Variants in TACR1 observed in about 807,000 individuals in gnomAD.
TACR1 encodes the protein substance-P receptor.
Under a neutral mutation model 35.8 loss-of-function variants are expected in TACR1, and 25 were observed. The observed-to-expected ratio is 0.70, with a 90% CI of 0.51 to 0.98. The LOEUF is 0.98. Among genes scored for constraint, TACR1 ranks in the 50% least tolerant of loss-of-function variants. The probability of loss-of-function intolerance (pLI) is 0.00; values close to 1 mark genes in which losing one functional copy is unlikely to be tolerated. For synonymous variants in TACR1, 195 were observed against 206.7 expected (o/e 0.94, Z 0.48); for missense variants, 478 against 522.9 (o/e 0.91, Z 0.84).
chr2:75,107,118 AG>A (rs1360866025), intron 2 of TACR1, among the ~76,000 whole-genome samples: 1 of 151,992 alleles, frequency 6.6e-6, no homozygotes, highest in Admixed American at 6.5e-5. Context: ...TTAATACTAC[AG>A]GAAGTAGTGT....
intron 1 of TACR1, among the ~76,000 whole-genome samples, chr2:75,170,372 T>G (rs1396145811): frequency 6.6e-6 from 1 of 152,264 alleles, no homozygotes; most frequent in Non-Finnish European, 1.5e-5. Context: ...CCTAGCCATG[T>G]GGAACTGTGA....
chr2:75,110,137 TATGTAAAATGGGAAAAAA>T (rs1264189185), intron 2 of TACR1, among the ~76,000 whole-genome samples: 1 of 151,868 alleles, frequency 6.6e-6, no homozygotes, highest in East Asian at 1.9e-4. Flanking sequence ...AATCACAAAT[TATGTAAAATGGGAAAAAA>T]ATCAGATGGT....
intron 2 of TACR1, among the ~76,000 whole-genome samples, chr2:75,083,043 G>A (rs1372514605): frequency 1.3e-5 from 2 of 151,968 alleles, no homozygotes; most frequent in African/African-American, 4.8e-5. Flanking sequence ...TTCTTCTAGG[G>A]TTTTTATGGT....
At chr2:75,104,049 T>C (rs1441753890) in intron 2 of TACR1, among the ~76,000 whole-genome samples, 1 of 151,992 alleles carries the variant, frequency 6.6e-6, no homozygotes, top group Non-Finnish European at 1.5e-5. Flanking sequence ...CAGTAGTATG[T>C]ACCTATCCAT....
chr2:75,072,262 C>G (rs56800331), intron 2 of TACR1, among the ~76,000 whole-genome samples: 1,900 of 152,180 alleles, frequency 0.012, 45 homozygotes, highest in African/African-American at 0.044. Context: ...GAGTCGTCTG[C>G]CAGGTCAAGG....
At chr2:75,049,812 C>T in intron 4 of TACR1, 89 bp from the exon 5 acceptor site, 1 of 1,363,468 alleles carries the variant, frequency 7.3e-7, no homozygotes, top group Non-Finnish European at 9.9e-7. Context: ...AACACATGGA[C>T]ATACCCAAGC....
intron 2 of TACR1, among the ~76,000 whole-genome samples, chr2:75,104,466 A>G (rs1673601611): frequency 6.6e-6 from 1 of 152,074 alleles, no homozygotes; most frequent in African/African-American, 2.4e-5. Context: ...CCACTTCAAC[A>G]ATGGATAAAT....
At chr2:75,117,231 TTTAA>T (rs1673884584) in intron 2 of TACR1, among the ~76,000 whole-genome samples, 1 of 152,208 alleles carries the variant, frequency 6.6e-6, no homozygotes, top group South Asian at 2.1e-4. Flanking sequence ...TAGTGCTTAA[TTTAA>T]TTGATGTTTT....
chr2:75,120,799 A>G (rs1385820373), intron 1 of TACR1, 31 bp from the exon 2 acceptor site: 1 of 1,535,752 alleles, frequency 6.5e-7, no homozygotes, highest in Non-Finnish European at 8.8e-7. Context: ...CAAAGTTCTG[A>G]TCTGGTCACC....
chr2:75,082,441 G>T (rs947330043), intron 2 of TACR1, among the ~76,000 whole-genome samples: 5 of 152,206 alleles, frequency 3.3e-5, no homozygotes, highest in Non-Finnish European at 7.3e-5. Flanking sequence ...TATATACCCA[G>T]TAATGGGATG....
chr2:75,119,722 C>A (rs1673928632), intron 2 of TACR1, among the ~76,000 whole-genome samples: 1 of 152,194 alleles, frequency 6.6e-6, no homozygotes. Flanking sequence ...GTCTCAATGC[C>A]TGGCCTGACC....
intron 2 of TACR1, among the ~76,000 whole-genome samples, chr2:75,088,494 G>T (rs1673230759): frequency 6.6e-6 from 1 of 152,200 alleles, no homozygotes; most frequent in Admixed American, 6.5e-5. Context: ...GTTTTAAGTA[G>T]CTAGAGGGAT....
intron 1 of TACR1, among the ~76,000 whole-genome samples, chr2:75,152,512 A>G (rs1674696763): frequency 6.6e-6 from 1 of 152,166 alleles, no homozygotes; most frequent in African/African-American, 2.4e-5. Flanking sequence ...TCTCCTAGCC[A>G]TGTGGAGCTG....
intron 2 of TACR1, among the ~76,000 whole-genome samples, chr2:75,081,252 A>T (rs1461763519): frequency 1.3e-5 from 2 of 152,254 alleles, no homozygotes; most frequent in African/African-American, 4.8e-5. Flanking sequence ...ACGGGCGTGT[A>T]TTAGTGCTGC....
At chr2:75,158,499 C>T (rs1012935221) in intron 1 of TACR1, among the ~76,000 whole-genome samples, 3 of 152,054 alleles carry the variant, frequency 2.0e-5, no homozygotes, top group African/African-American at 7.2e-5. Context: ...GGGAAGAGTG[C>T]TCTATCGCAG....
intron 1 of TACR1, among the ~76,000 whole-genome samples, chr2:75,162,043 CAA>C (rs35438025): frequency 4.2e-5 from 4 of 94,190 alleles, no homozygotes; most frequent in African/African-American, 1.2e-4. Context: ...TTGACTCTTC[CAA>C]AAAAAAAAAA....
At chr2:75,161,044 A>G (rs1175760258) in intron 1 of TACR1, among the ~76,000 whole-genome samples, 1 of 152,062 alleles carries the variant, frequency 6.6e-6, no homozygotes, top group Non-Finnish European at 1.5e-5. Flanking sequence ...TTATAGAGTG[A>G]TAATTGTCTA....
intron 2 of TACR1, 33 bp downstream of exon 2, chr2:75,120,541 G>A (rs1476365377): frequency 6.5e-6 from 10 of 1,550,032 alleles, no homozygotes; most frequent in Middle Eastern, 1.8e-4. Flanking sequence ...CTGCACCATC[G>A]TTTCTTTGGC....
intron 1 of TACR1, among the ~76,000 whole-genome samples, chr2:75,129,072 C>T (rs57141050): frequency 6.6e-6 from 1 of 152,006 alleles, no homozygotes; most frequent in Non-Finnish European, 1.5e-5. Flanking sequence ...TTAGCTCCAG[C>T]AGCAGAGTAA....
Sources: gnomAD v4.1 joint callset for allele counts (sites outside exome capture counted in the v4.1 genomes callset) on GRCh38, gnomAD v4.1.1 for gene constraint, MANE v1.5 for transcripts, NCBI Gene and HGNC (gene_info 2026-07-23, HGNC 2026-07-21) for gene names.